Variants in NAB2 observed in about 807,000 individuals in gnomAD.
The protein encoded by NAB2 is NGFI-A-binding protein 2.
Under a neutral mutation model 44.2 loss-of-function variants are expected in NAB2, and 9 were observed. The observed-to-expected ratio is 0.20, with a 90% CI of 0.12 to 0.36. The LOEUF (loss-of-function observed/expected upper bound fraction) is 0.36, where lower values mean the gene tolerates loss of function less well. NAB2 is among the 10% of genes least tolerant of loss of function. The pLI is 1.00. For missense variants in NAB2, 514 were observed against 709.0 expected, an observed-to-expected ratio of 0.73 and a Z score of 3.12; for synonymous variants, 342 against 291.0, an observed-to-expected ratio of 1.18 and a Z score of -1.78.
rs750748959 is a variant in NAB2, at chr12:57,093,155, C to T, written c.1236C>T (p.Ser412=). 38 of 1,612,878 alleles carry T rather than the reference C, an allele frequency of 2.4e-5. No homozygotes were observed. Among genetic ancestry groups the T allele is most frequent in the South Asian group, 6.6e-5 (6 of 91,028 alleles). The stretch of plus-strand genomic sequence containing the variant: ...ACCGCCCCAGCCTGGAGGAGGACAG[C>T]GCCAGCCTGTCTGGGGAGAGTCTGG... ...PPYRPSLEED[S]ASLSGESLDG... is the part of the protein sequence containing the mutation. The change falls in exon 5 of 7, where the codon AGC becomes AGT. Residue 412 remains serine (S), a synonymous_variant. Coordinates refer to ENST00000300131, the MANE Select transcript of NAB2 (RefSeq NM_005967.4).
rs2033229433 is a variant in NAB2 at position 57,093,098 on chromosome 12, T to A, written c.1179T>A (p.Pro393=). 2 of 1,611,880 alleles carry A rather than the reference T, an allele frequency of 1.2e-6. No individual in the cohort carries two copies. The highest frequency in any genetic ancestry group is 2.7e-5 in the African/African-American group (2 of 74,952). ...AGAGTCACCCTGAAATCCAGCAGCC[T>A]CCCCCAGGCCCTGAGTCCTATGTAC... ...GEQSHPEIQQ[P]PPGPESYVPP... is the part of the protein sequence containing the mutation. The change falls in exon 5 of 7, where the codon CCT becomes CCA. Residue 393 remains proline (P), a synonymous_variant. Transcript: ENST00000300131.
rs2033182431 is a variant in NAB2 at position 57,091,499 on chromosome 12, G to T, written c.458G>T (p.Gly153Val). 1 of 1,614,058 alleles carries T rather than the reference G, an allele frequency of 6.2e-7. No individual in the cohort carries two copies. Among genetic ancestry groups the T allele is most frequent in the Non-Finnish European group, 8.5e-7 (1 of 1,180,012 alleles). The change falls in exon 2 of 7, where the codon GGC becomes GTC. Residue 153 changes from glycine to valine, a missense_variant. Transcript: ENST00000300131. The surrounding 1 kb of genome is among the most constrained non-coding windows in gnomAD (Gnocchi z 7.3). ...NGHGSPGEKA[G>V]SARSFSPKSP... ...CATGGCAGCCCAGGGGAAAAGGCAG[G>T]CAGTGCCCGCAGTTTTAGCCCCAAG...
At chr12:57,094,446 T>C (rs935030965) in intron 6 of NAB2, among the ~76,000 whole-genome samples, 166 bp from the exon 7 acceptor site, 3 of 151,918 alleles carry the variant, frequency 2.0e-5, no homozygotes, top group Non-Finnish European at 4.4e-5. Context: ...CTCACACACA[T>C]GGGAATGGAA....
intron 5 of NAB2, 74 bp from the exon 6 acceptor site, chr12:57,093,332 TG>T: frequency 6.8e-7 from 1 of 1,468,902 alleles, no homozygotes; most frequent in East Asian, 2.4e-5. Flanking sequence ...GAAGGGCCTG[TG>T]GGCTGGCTAT....
chr12:57,094,501 C>T (rs1412033885), intron 6 of NAB2, 111 bp from the exon 7 acceptor site: 4 of 875,184 alleles, frequency 4.6e-6, no homozygotes, highest in Admixed American at 4.0e-5. Flanking sequence ...ATTCAATAAA[C>T]CTAAACTGAG....
rs1360300982 is a variant in NAB2, at chr12:57,093,550, C to T, written c.1420C>T (p.Arg474Cys). 2.6e-6 allele frequency: 4 copies of T among 1,546,250 alleles called. No individual in the cohort carries two copies. The highest frequency in any genetic ancestry group is 2.0e-5 in the Admixed American group (1 of 50,758). The change falls in exon 6 of 7, where the codon CGC becomes TGC. Residue 474 changes from arginine (R) to cysteine (C), a missense_variant. By Grantham distance (180) the Arg-to-Cys change is radical (BLOSUM62 -3). Around this residue, in one of 5 missense-constraint regions of NAB2, gnomAD observed 194 missense variants for 223.9 expected, o/e 0.87. Transcript: ENST00000300131. Reference protein sequence around the residue: ...LRLARLVSHDRVGRLSPCVPA... With the variant: ...LRLARLVSHDCVGRLSPCVPA... ...GCTCGCCCGCCTCGTCTCCCACGACCGCGTGGGCCGCCTCAGCCCCTGTGT... is the reference window on the plus strand; with the variant it reads ...GCTCGCCCGCCTCGTCTCCCACGACTGCGTGGGCCGCCTCAGCCCCTGTGT...
Position 57,089,117 on chromosome 12 carries a change from C to G in NAB2, c.-155C>G. 1.3e-6 allele frequency: 1 copy of G among 763,014 alleles called. No homozygotes were observed. The highest frequency in any genetic ancestry group is 1.7e-5 in the South Asian group (1 of 59,664). The allele number at this position is 763,014 out of a possible 1,614,324, so 47.3% of individuals were successfully genotyped here. ...GAGGGTGGGGGGGCAGAGGCACAGA[C>G]AGAGGCGCGGAGGCTCGGAGAGAGA... On this transcript the variant is annotated 5_prime_UTR_variant, in exon 1 of 7. Transcript: ENST00000300131.
At position 57,092,506 on chromosome 12, in the gene NAB2, G is replaced by A. The variant is rs1317883711; in HGVS notation, c.1016G>A (p.Arg339Gln). 4 of 1,614,038 alleles carry A rather than the reference G, an allele frequency of 2.5e-6. No homozygotes were observed. Among genetic ancestry groups the A allele is most frequent in the Non-Finnish European group, 3.4e-6 (4 of 1,180,032 alleles). Residue 339 changes from arginine (R) to glutamine (Q), a missense_variant, in exon 3 of 7, where the codon CGG (arginine) becomes CAG (glutamine). By Grantham distance (43) the Arg-to-Gln change is conservative (BLOSUM62 1). Around this residue, in one of 5 missense-constraint regions of NAB2, gnomAD observed 53 missense variants for 108.5 expected, o/e 0.49. Transcript: ENST00000300131. ...ATGAGGGACAACACGCTCTTATTAC[G>A]GAGAGTGGAGCTCTTCTCTTTGTCC... Reference protein sequence around the residue: ...FCMRDNTLLLRRVELFSLSRQ... With the variant: ...FCMRDNTLLLQRVELFSLSRQ...
At chr12:57,092,623 C>T in intron 3 of NAB2, 42 bp downstream of exon 3, 1 of 1,608,408 alleles carries the variant, frequency 6.2e-7, no homozygotes, top group Non-Finnish European at 8.5e-7. Context: ...TGGAATCCTG[C>T]TATGGAGTTA....
chr12:57,093,142 T>C lies in NAB2; in HGVS notation c.1223T>C (p.Leu408Pro). ...TATGTACCCCCATACCGCCCCAGCC[T>C]GGAGGAGGACAGCGCCAGCCTGTCT... ...ESYVPPYRPSLEEDSASLSGE... is the reference protein window; with the variant it reads ...ESYVPPYRPSPEEDSASLSGE... Residue 408 changes from leucine (L) to proline (P), a missense_variant, in exon 5 of 7, where the codon CTG (leucine) becomes CCG (proline). Leu to Pro is a moderately conservative substitution (Grantham distance 98). Transcript: ENST00000300131. The C allele has an allele frequency of 1.2e-6, 2 of 1,613,242 alleles. No homozygotes were observed. The highest frequency in any genetic ancestry group is 1.7e-6 in the Non-Finnish European group (2 of 1,179,736).
In NAB2 at chr12:57,094,803, G is replaced by A. The variant is rs564123392; in HGVS notation, c.*82G>A. The A allele has an allele frequency of 5.1e-6, 6 of 1,174,820 alleles. No individual in the cohort carries two copies. The highest frequency in any genetic ancestry group is 4.3e-5 in the Admixed American group (2 of 46,188). 72.8% of individuals were successfully genotyped at this position (1,174,820 alleles called of 1,614,324 possible). A position where few individuals can be genotyped will look rare whatever the true frequency, so the allele number is the denominator to read the frequency against. On this transcript the variant is annotated 3_prime_UTR_variant, in exon 7 of 7. Coordinates refer to ENST00000300131, the MANE Select transcript of NAB2 (RefSeq NM_005967.4). ...CCACGCTCTCCATCCCCGGAATCTA[G>A]TCACAACCCTGGATCCTTCCTCTGC...
At chr12:57,089,444 C>A in intron 1 of NAB2, 90 bp downstream of exon 1, 1 of 162,540 alleles carries the variant, frequency 6.2e-6, no homozygotes, top group Non-Finnish European at 1.1e-5. Context: ...GAGGGGAGGA[C>A]GTGGGGAAGC....
intron 1 of NAB2, among the ~76,000 whole-genome samples, chr12:57,090,548 C>T (rs1005715062): frequency 6.6e-6 from 1 of 152,218 alleles, no homozygotes; most frequent in African/African-American, 2.4e-5. Flanking sequence ...AAGAGTAAGG[C>T]ACCACCTGGC....
Position 57,091,797 on chromosome 12 carries a change from C to G in NAB2, c.756C>G (p.Ile252Met). The change falls in exon 2 of 7, where the codon ATC becomes ATG. Residue 252 changes from isoleucine (I) to methionine (M), a missense_variant. By Grantham distance (10) the Ile-to-Met change is conservative. Transcript: ENST00000300131. This position sits in a 1 kb window ranked among gnomAD's most constrained non-coding sequence, Gnocchi z 7.3. Reference protein sequence around the residue: ...VRMVVESVERIFRSFPRGDAG... With the variant: ...VRMVVESVERMFRSFPRGDAG... Reference sequence around the variant, plus strand: ...TGGTGGTGGAAAGTGTGGAGAGGATCTTCCGGAGCTTCCCAAGGGGGGATG... The same window carrying G: ...TGGTGGTGGAAAGTGTGGAGAGGATGTTCCGGAGCTTCCCAAGGGGGGATG... 1.2e-6 allele frequency: 2 copies of G among 1,614,190 alleles called. No individual in the cohort carries two copies. The highest frequency in any genetic ancestry group is 8.5e-7 in the Non-Finnish European group (1 of 1,180,006).
rs774196087 is a variant in NAB2 at position 57,089,309 on chromosome 12, C to T, written c.38C>T (p.Pro13Leu). The change falls in exon 1 of 7, where the codon CCG becomes CTG. Residue 13 changes from proline (P) to leucine (L), a missense_variant. Pro to Leu is a moderately conservative substitution (Grantham distance 98). This residue lies in a region of NAB2 where 56 missense variants were observed against 45.5 expected (regional missense o/e 1.23). Coordinates refer to ENST00000300131, the MANE Select transcript of NAB2 (RefSeq NM_005967.4). ...CCTTCCCCCACAGCCGAGCAGCCGC[C>T]GGGCGGAGGGGACAGCGCCCGCCGG... ...RAPSPTAEQP[P>L]GGGDSARRTL... The T allele has an allele frequency of 3.8e-6, 6 of 1,578,720 alleles. No homozygotes were observed. The highest frequency in any genetic ancestry group is 1.7e-4 in the Middle Eastern group (1 of 5,980).
Position 57,093,205 on chromosome 12 carries a change from C to T in NAB2, c.1276+10C>T. The T allele has an allele frequency of 2.5e-6, 4 of 1,587,664 alleles. No homozygotes were observed. The highest frequency in any genetic ancestry group is 2.6e-6 in the Non-Finnish European group (3 of 1,171,610). ...GATGGACATTTGCAGGGTGAGTGTGCCTCAGAACACTTTTCTCTTCATTGA... is the reference window on the plus strand; with the variant it reads ...GATGGACATTTGCAGGGTGAGTGTGTCTCAGAACACTTTTCTCTTCATTGA... On this transcript the variant is annotated intron_variant, in intron 5 of 6. Coordinates refer to ENST00000300131, the MANE Select transcript of NAB2 (RefSeq NM_005967.4).
chr12:57,089,121 G>A lies in NAB2; in HGVS notation c.-151G>A, dbSNP rs1351005856. 1.3e-6 allele frequency: 1 copy of A among 794,466 alleles called. No individual in the cohort carries two copies. Among genetic ancestry groups the A allele is most frequent in the African/African-American group, 1.8e-5 (1 of 56,888 alleles). 49.2% of individuals were successfully genotyped at this position (794,466 alleles called of 1,614,324 possible). A position where few individuals can be genotyped will look rare whatever the true frequency, so the allele number is the denominator to read the frequency against. On this transcript the variant is annotated 5_prime_UTR_variant, in exon 1 of 7. Coordinates refer to ENST00000300131, the MANE Select transcript of NAB2 (RefSeq NM_005967.4). ...GTGGGGGGGCAGAGGCACAGACAGA[G>A]GCGCGGAGGCTCGGAGAGAGAAGAC... is the stretch of plus-strand genomic sequence containing the variant.
rs2033173984 is a variant in NAB2 at position 57,091,035 on chromosome 12, G to A, written c.84-90G>A. 8.7e-7 allele frequency: 1 copy of A among 1,146,508 alleles called. No individual in the cohort carries two copies. The highest frequency in any genetic ancestry group is 2.4e-5 in the East Asian group (1 of 42,104). The allele number at this position is 1,146,508 out of a possible 1,614,324, so 71.0% of individuals were successfully genotyped here. On this transcript the variant is annotated intron_variant, in intron 1 of 6. Transcript: ENST00000300131. This position sits in a 1 kb window ranked among gnomAD's most constrained non-coding sequence, Gnocchi z 7.3. ...AAATGAGGGAGGGGAAGAAAAGCAG[G>A]CAGGAAAGAGGGAACAATTGTTAGT...
At chr12:57,089,684 A>C (rs1240697963) in intron 1 of NAB2, among the ~76,000 whole-genome samples, 1 of 150,518 alleles carries the variant, frequency 6.6e-6, no homozygotes, top group Non-Finnish European at 1.5e-5. Context: ...ATCAGTGCGG[A>C]AGGTGGGGGG....
Sources: allele counts gnomAD v4.1 joint callset (sites outside exome capture counted in the v4.1 genomes callset), GRCh38; gene constraint gnomAD v4.1.1; regional missense constraint gnomAD v4.1.1; non-coding constraint Gnocchi (gnomAD v3.1); transcripts MANE v1.5; gene names NCBI Gene and HGNC (gene_info 2026-07-23, HGNC 2026-07-21).